Variants in RAB6A observed in about 807,000 individuals in gnomAD.
RAB6A encodes the protein RAB6A, member RAS oncogene family.
A neutral mutation model predicts 32.3 loss-of-function variants in RAB6A; 8 were observed. The observed-to-expected ratio is 0.25, with a 90% confidence interval of 0.15 to 0.45. The LOEUF is 0.45. Among genes scored for constraint, RAB6A ranks in the 20% least tolerant of loss-of-function variants. The pLI is 1.00. For synonymous variants in RAB6A, 73 were observed against 82.1 expected (o/e 0.89, Z 0.60); for missense variants, 104 against 249.4 (o/e 0.42, Z 3.93).
intron 6 of RAB6A, chr11:73,704,146 C>T: frequency 2.6e-6 from 1 of 390,876 alleles, no homozygotes; most frequent in Non-Finnish European, 5.2e-6. Context: ...ATCTTCGAGG[C>T]CAAGTTGGGA....
At chr11:73,753,036 G>A (rs952849141) in intron 1 of RAB6A, among the ~76,000 whole-genome samples, 4 of 152,088 alleles carry the variant, frequency 2.6e-5, no homozygotes, top group African/African-American at 9.7e-5. Flanking sequence ...ATCACTTGAG[G>A]CCAGGAGTTG....
chr11:73,736,977 C>CAAA (rs535172648), intron 1 of RAB6A, among the ~76,000 whole-genome samples: 35 of 64,646 alleles, frequency 5.4e-4, no homozygotes, highest in East Asian at 9.7e-4. Flanking sequence ...GACACTGTCT[C>CAAA]AAAAAAAAAA....
intron 3 of RAB6A, among the ~76,000 whole-genome samples, chr11:73,719,574 T>C (rs1202472830): frequency 1.3e-5 from 2 of 152,082 alleles, no homozygotes; most frequent in Non-Finnish European, 2.9e-5. Flanking sequence ...AAAACAAGTA[T>C]CAAGTTCTTG....
chr11:73,708,714 T>C (rs1274324253), intron 5 of RAB6A, among the ~76,000 whole-genome samples: 2 of 152,190 alleles, frequency 1.3e-5, no homozygotes, highest in East Asian at 1.9e-4. Context: ...TAGCTAGATT[T>C]AAACTATCAG....
intron 1 of RAB6A, among the ~76,000 whole-genome samples, chr11:73,755,389 G>A (rs1465254923): frequency 2.0e-5 from 3 of 151,878 alleles, no homozygotes; most frequent in Non-Finnish European, 4.4e-5. Context: ...CACCTCCCGA[G>A]TTCAAGCAAT....
chr11:73,760,923 G>T lies in RAB6A; in HGVS notation c.-288C>A. Reference sequence around the variant, plus strand: ...GGTGTCCTCTGGCTTCCCAAAGCTAGGGCCGTTCCCTCCTTCCGCACTCGG... The same window carrying T: ...GGTGTCCTCTGGCTTCCCAAAGCTATGGCCGTTCCCTCCTTCCGCACTCGG... On this transcript the variant is annotated 5_prime_UTR_variant, in exon 1 of 8. Transcript: ENST00000336083. 1 of 373,786 alleles carries T rather than the reference G, an allele frequency of 2.7e-6. No individual in the cohort carries two copies. Among genetic ancestry groups the T allele is most frequent in the Non-Finnish European group, 5.0e-6 (1 of 198,802 alleles). 23.2% of individuals were successfully genotyped at this position (373,786 alleles called of 1,614,324 possible). A position where few individuals can be genotyped will look rare whatever the true frequency, so the allele number is the denominator to read the frequency against.
chr11:73,747,228 C>T (rs147305765), intron 1 of RAB6A, among the ~76,000 whole-genome samples: 8 of 149,020 alleles, frequency 5.4e-5, no homozygotes, highest in South Asian at 2.1e-4. Flanking sequence ...TTTTCTGAGA[C>T]GGAGTCTTGC....
rs199592431 is a variant in RAB6A at position 73,702,264 on chromosome 11, C to CAAT, written c.495+5153_495+5155dup. 9.1e-3 allele frequency among the ~76,000 whole-genome samples: 1,386 copies of CAAT among 152,236 alleles called. 15 individuals are homozygous for CAAT. The highest frequency in any genetic ancestry group is 0.034 in the Middle Eastern group (10 of 294). On this transcript the variant is annotated intron_variant, in intron 6 of 7. Coordinates refer to ENST00000336083, the MANE Select transcript of RAB6A (RefSeq NM_198896.2). The stretch of plus-strand genomic sequence containing the variant: ...GCAGCCTTGAACTCCTGGGCTCAAG[C>CAAT]AATCCTCTGCCTCAGTCTCCTGAGT...
intron 5 of RAB6A, among the ~76,000 whole-genome samples, chr11:73,709,842 C>CAT (rs919553674): frequency 1.3e-4 from 4 of 29,950 alleles, no homozygotes; most frequent in Non-Finnish European, 2.6e-4. Context: ...CATATATACA[C>CAT]ATATATATAC....
At chr11:73,688,809 A>G (rs1375777312) in intron 6 of RAB6A, among the ~76,000 whole-genome samples, 1 of 152,254 alleles carries the variant, frequency 6.6e-6, no homozygotes, top group Non-Finnish European at 1.5e-5. Context: ...AGATTAACTC[A>G]GAGTCTAGCA....
intron 1 of RAB6A, among the ~76,000 whole-genome samples, chr11:73,736,501 T>C (rs550166527): frequency 6.7e-6 from 1 of 150,274 alleles, no homozygotes; most frequent in Non-Finnish European, 1.5e-5. Context: ...TGAAAACAAG[T>C]ACAGTTGGCC....
chr11:73,679,232 G>A (rs115887972), intron 7 of RAB6A, among the ~76,000 whole-genome samples: 2,035 of 152,258 alleles, frequency 0.013, 38 homozygotes, highest in African/African-American at 0.047. Flanking sequence ...CTAATATTAT[G>A]TCCTGTTTCT....
chr11:73,724,399 G>A (rs1041998351), intron 2 of RAB6A, among the ~76,000 whole-genome samples: 2 of 151,350 alleles, frequency 1.3e-5, no homozygotes, highest in African/African-American at 4.9e-5. Flanking sequence ...ATAGCAAATT[G>A]TGACTTACAA....
Position 73,679,620 on chromosome 11 carries a change from TAATGAAAAATTTCC to T in RAB6A, c.562+20_562+33del. ...GCAGGGCTCTAAAGACTAGTGTTAA[TAATGAAAAATTTCC>T]AATGAAATAAAAAGGATACTATCTT... is the stretch of plus-strand genomic sequence containing the variant. On this transcript the variant is annotated intron_variant, in intron 7 of 7. Coordinates refer to ENST00000336083, the MANE Select transcript of RAB6A (RefSeq NM_198896.2). The T allele has an allele frequency of 1.2e-6, 2 of 1,611,822 alleles. No individual in the cohort carries two copies. Among genetic ancestry groups the T allele is most frequent in the South Asian group, 2.2e-5 (2 of 91,046 alleles).
At chr11:73,747,597 T>A (rs1281430558) in intron 1 of RAB6A, among the ~76,000 whole-genome samples, 1 of 152,158 alleles carries the variant, frequency 6.6e-6, no homozygotes, top group Non-Finnish European at 1.5e-5. Flanking sequence ...ACTATGTAAC[T>A]TATTTAGAAT....
chr11:73,717,864 A>G lies in RAB6A; in HGVS notation c.289+749T>C, dbSNP rs376097266. 1.2e-4 allele frequency among the ~76,000 whole-genome samples: 19 copies of G among 152,354 alleles called. 1 individual carries two copies. Among genetic ancestry groups the G allele is most frequent in the East Asian group, 9.6e-4 (5 of 5,188 alleles). ...AATAATGTTTAATATTGCCTAATAT[A>G]TGTCATAAACCAATTTACAAAGGCA... On this transcript the variant is annotated intron_variant, in intron 4 of 7. Transcript: ENST00000336083.
chr11:73,680,083 G>A (rs1284724401), intron 6 of RAB6A, among the ~76,000 whole-genome samples: 1 of 152,082 alleles, frequency 6.6e-6, no homozygotes, highest in African/African-American at 2.4e-5. Context: ...GGGCAACAGG[G>A]CGAGACTCTG....
At chr11:73,679,743 A>G (rs373941587) in intron 6 of RAB6A, 23 bp from the exon 7 acceptor site, 9 of 1,613,354 alleles carry the variant, frequency 5.6e-6, no homozygotes, top group East Asian at 4.5e-5. Context: ...GAGAAAAGTG[A>G]TAACTGAGAG....
chr11:73,694,909 G>A (rs144862886), intron 6 of RAB6A, among the ~76,000 whole-genome samples: 10 of 152,150 alleles, frequency 6.6e-5, no homozygotes, highest in Non-Finnish European at 1.5e-4. Flanking sequence ...CCAGCTACTC[G>A]GCAGGCTGAG....
Sources: gnomAD v4.1 joint callset for allele counts (sites outside exome capture counted in the v4.1 genomes callset) on GRCh38, gnomAD v4.1.1 for gene constraint, MANE v1.5 for transcripts, NCBI Gene and HGNC (gene_info 2026-07-23, HGNC 2026-07-21) for gene names.